The following ZMYM4 variants were observed in gnomAD, a reference collection of about 807,000 sequenced individuals.
The protein encoded by ZMYM4 is zinc finger MYM-type protein 4.
A neutral mutation model predicts 183.2 loss-of-function variants in ZMYM4; 31 were observed. The observed-to-expected ratio is 0.17, with a 90% CI of 0.13 to 0.23. The LOEUF (loss-of-function observed/expected upper bound fraction) is 0.23, where lower values mean the gene tolerates loss of function less well. Among genes scored for constraint, ZMYM4 ranks in the 10% least tolerant of loss-of-function variants. ZMYM4 has a pLI of 1.00. For missense variants in ZMYM4, 1,273 were observed against 1,840.3 expected, an observed-to-expected ratio of 0.69 and a Z score of 5.64; for synonymous variants, 592 against 631.2, an observed-to-expected ratio of 0.94 and a Z score of 0.93.
At chr1:35,286,925 G>C (rs1255771741) in intron 1 of ZMYM4, among the ~76,000 whole-genome samples, 1 of 150,648 alleles carries the variant, frequency 6.6e-6, no homozygotes, top group Admixed American at 6.6e-5. Context: ...CCTGGCCCTA[G>C]CTTATCTTTC....
At chr1:35,307,428 G>A (rs1641581957) in intron 1 of ZMYM4, among the ~76,000 whole-genome samples, 1 of 151,880 alleles carries the variant, frequency 6.6e-6, no homozygotes, top group African/African-American at 2.4e-5. Context: ...AATTCCCTTA[G>A]AAGGTAAATG....
chr1:35,342,525 A>C (rs2148863552), intron 2 of ZMYM4, among the ~76,000 whole-genome samples: 1 of 152,234 alleles, frequency 6.6e-6, no homozygotes, highest in East Asian at 1.9e-4. Context: ...ATCTCAATGC[A>C]TTTCCCTGGT....
At chr1:35,323,962 C>T (rs1371397188) in intron 1 of ZMYM4, among the ~76,000 whole-genome samples, 1 of 152,090 alleles carries the variant, frequency 6.6e-6, no homozygotes, top group Non-Finnish European at 1.5e-5. Context: ...CCTTTACTTT[C>T]CAATGTTTAC....
intron 2 of ZMYM4, among the ~76,000 whole-genome samples, chr1:35,355,160 A>C (rs1570423549): frequency 1.4e-5 from 2 of 143,604 alleles, no homozygotes; most frequent in East Asian, 4.2e-4. Context: ...CAGCCTCCCG[A>C]GTAGCTGGGA....
intron 1 of ZMYM4, among the ~76,000 whole-genome samples, chr1:35,293,723 A>G (rs941170685): frequency 6.6e-6 from 1 of 152,160 alleles, no homozygotes; most frequent in Non-Finnish European, 1.5e-5. Context: ...AGCATATACT[A>G]GGTGGTAATT....
At chr1:35,284,943 TA>T (rs1640398788) in intron 1 of ZMYM4, among the ~76,000 whole-genome samples, 1 of 152,178 alleles carries the variant, frequency 6.6e-6, no homozygotes, top group African/African-American at 2.4e-5. Context: ...GGCTTCAACA[TA>T]TGAATCTGGG....
At chr1:35,377,780 A>T (rs1266067477) in intron 7 of ZMYM4, among the ~76,000 whole-genome samples, 2 of 152,228 alleles carry the variant, frequency 1.3e-5, no homozygotes, top group African/African-American at 4.8e-5. Flanking sequence ...CTGCTGATTC[A>T]GGGTGATGGT....
chr1:35,353,012 A>G (rs960661443), intron 2 of ZMYM4, among the ~76,000 whole-genome samples: 7 of 152,206 alleles, frequency 4.6e-5, no homozygotes, highest in African/African-American at 1.4e-4. Context: ...TTCAAAATCT[A>G]CCATCCCAAA....
chr1:35,313,395 T>TC lies in ZMYM4; in HGVS notation c.40-11965_40-11964insC, dbSNP rs531399374. On this transcript the variant is annotated intron_variant, in intron 1 of 29. Transcript: ENST00000314607. ...CACTTTTTCTTTTTCTTTTTCTTTT[T>TC]TTTTTTTTTTTGAGACAGAGTCTCA... Among the ~76,000 whole-genome samples, 210 of 148,654 alleles carry TC rather than the reference T, an allele frequency of 1.4e-3. 3 individuals carry two copies. The highest frequency in any genetic ancestry group is 1.0e-3 in the Non-Finnish European group (68 of 66,782).
rs764420621 is a variant in ZMYM4 at position 35,419,648 on chromosome 1, G to A, written c.4618G>A (p.Glu1540Lys). ...TGAAGAACTTGCCAAAGCCAAATCTGAAGACTCTGATGTTGAATTATCAGA... is the reference window on the plus strand; with the variant it reads ...TGAAGAACTTGCCAAAGCCAAATCTAAAGACTCTGATGTTGAATTATCAGA... ...VHEELAKAKS[E>K]DSDVELSD Residue 1540 changes from glutamate to lysine, a missense_variant, in exon 30 of 30, where the codon GAA becomes AAA. By Grantham distance (56) the Glu-to-Lys change is moderately conservative. Around this residue, in one of 6 missense-constraint regions of ZMYM4, gnomAD observed 145 missense variants for 331.6 expected, o/e 0.44. Coordinates refer to ENST00000314607, the MANE Select transcript of ZMYM4 (RefSeq NM_005095.3). 25 of 1,614,020 alleles carry A rather than the reference G, an allele frequency of 1.5e-5. No individual in the cohort carries two copies. Among genetic ancestry groups the A allele is most frequent in the Admixed American group, 3.3e-5 (2 of 59,994 alleles).
intron 1 of ZMYM4, among the ~76,000 whole-genome samples, chr1:35,318,489 G>A (rs1186538632): frequency 1.3e-5 from 2 of 151,104 alleles, no homozygotes; most frequent in African/African-American, 2.4e-5. Flanking sequence ...GCGAAGTCTC[G>A]CTCTGTCACC....
intron 1 of ZMYM4, among the ~76,000 whole-genome samples, chr1:35,288,923 C>T (rs1640629541): frequency 6.6e-6 from 1 of 152,122 alleles, no homozygotes; most frequent in Non-Finnish European, 1.5e-5. Flanking sequence ...GTTACTCTGT[C>T]TCCAGTAGAA....
At chr1:35,343,745 AT>A (rs1643288290) in intron 2 of ZMYM4, among the ~76,000 whole-genome samples, 1 of 151,980 alleles carries the variant, frequency 6.6e-6, no homozygotes, top group Non-Finnish European at 1.5e-5. Flanking sequence ...GGCACCTGTA[AT>A]CCCAGCTACT....
At chr1:35,376,342 TC>T (rs1644333400) in intron 7 of ZMYM4, among the ~76,000 whole-genome samples, 1 of 152,154 alleles carries the variant, frequency 6.6e-6, no homozygotes, top group African/African-American at 2.4e-5. Flanking sequence ...ATTTTATACT[TC>T]CATTTCCTTG....
intron 1 of ZMYM4, among the ~76,000 whole-genome samples, chr1:35,304,218 G>A (rs1348350471): frequency 6.6e-6 from 1 of 151,998 alleles, no homozygotes; most frequent in Non-Finnish European, 1.5e-5. Flanking sequence ...TAGAGATGGG[G>A]TTTCACTATG....
Position 35,304,499 on chromosome 1 carries a change from C to T in ZMYM4, c.40-20861C>T, listed in dbSNP as rs561871720. 5.3e-5 allele frequency among the ~76,000 whole-genome samples: 8 copies of T among 149,854 alleles called. No homozygotes were observed. In the South Asian group the frequency reaches 1.3e-3, roughly 24 times the overall value. The stretch of plus-strand genomic sequence containing the variant: ...TTGAGACGGGATCTGGCTCTGTCAT[C>T]CAGGCTGGGGTGCAATGGCTCGATC... On this transcript the variant is annotated intron_variant, in intron 1 of 29. Transcript: ENST00000314607.
intron 2 of ZMYM4, among the ~76,000 whole-genome samples, chr1:35,343,863 CAA>C (rs548237524): frequency 8.2e-6 from 1 of 121,236 alleles, no homozygotes. Flanking sequence ...GACTCTGTCT[CAA>C]AAAAAAAAAA....
intron 2 of ZMYM4, among the ~76,000 whole-genome samples, chr1:35,327,509 A>G (rs1170415053): frequency 1.3e-5 from 2 of 152,132 alleles, no homozygotes; most frequent in Non-Finnish European, 2.9e-5. Flanking sequence ...TTCTCTTTGT[A>G]ATTAGTTTAA....
At chr1:35,322,505 G>T (rs1245919374) in intron 1 of ZMYM4, among the ~76,000 whole-genome samples, 1 of 151,618 alleles carries the variant, frequency 6.6e-6, no homozygotes, top group Non-Finnish European at 1.5e-5. Flanking sequence ...CACCTTAAAT[G>T]GTTGTCATCT....
Sources: allele counts gnomAD v4.1 joint callset (sites outside exome capture counted in the v4.1 genomes callset), GRCh38; gene constraint gnomAD v4.1.1; regional missense constraint gnomAD v4.1.1; transcripts MANE v1.5; gene names NCBI Gene and HGNC (gene_info 2026-07-23, HGNC 2026-07-21).